PLA2G4A: variants seen among roughly 807,000 people sequenced by gnomAD.
PLA2G4A encodes the protein cytosolic phospholipase A2.
A neutral mutation model predicts 81.9 loss-of-function variants in PLA2G4A; 40 were observed. That is an observed-to-expected ratio of 0.49 (90% CI 0.38 to 0.64). The LOEUF is 0.64. Ranked by LOEUF, PLA2G4A falls within the 30% of genes least tolerant of loss-of-function variation. The pLI is 0.00. For synonymous variants in PLA2G4A, 302 were observed against 296.9 expected (o/e 1.02, Z -0.18); for missense variants, 715 against 905.1 (o/e 0.79, Z 2.69).
chr1:186,843,737 G>A (rs900331134), intron 1 of PLA2G4A, among the ~76,000 whole-genome samples: 1 of 152,184 alleles, frequency 6.6e-6, no homozygotes. Flanking sequence ...GAGGAGGATG[G>A]AGTATCTCCA....
At chr1:186,968,308 A>C (rs1657205123) in intron 15 of PLA2G4A, among the ~76,000 whole-genome samples, 1 of 151,944 alleles carries the variant, frequency 6.6e-6, no homozygotes, top group Non-Finnish European at 1.5e-5. Flanking sequence ...ATACTTGTAA[A>C]ATGTATGAAC....
At chr1:186,919,579 C>CCCTGAACATAGTAGGGGAGTT (rs1655270715) in intron 7 of PLA2G4A, among the ~76,000 whole-genome samples, 1 of 152,164 alleles carries the variant, frequency 6.6e-6, no homozygotes, top group African/African-American at 2.4e-5. Flanking sequence ...GCCACGGCCT[C>CCCTGAACATAGTAGGGGAGTT]CCTGAACATA....
At position 186,932,841 on chromosome 1, in the gene PLA2G4A, T is replaced by A. The variant is rs200264649; in HGVS notation, c.637T>A (p.Tyr213Asn). The A allele has an allele frequency of 1.9e-6, 3 of 1,613,114 alleles. No homozygotes were observed. Among genetic ancestry groups the A allele is most frequent in the Non-Finnish European group, 2.5e-6 (3 of 1,179,150 alleles). ...ATTCTCTGGTGTGATGAAGGCATTA[T>A]ACGAATCAGGAATTCTGGATTGTGC... The part of the protein sequence containing the change: ...VGFSGVMKAL[Y>N]ESGILDCATY... The change falls in exon 8 of 18, where the codon TAC becomes AAC. Residue 213 changes from tyrosine (Y) to asparagine (N), a missense_variant. By Grantham distance (143) the Tyr-to-Asn change is moderately radical. Transcript: ENST00000367466.
At chr1:186,858,920 T>C (rs1270685462) in intron 2 of PLA2G4A, among the ~76,000 whole-genome samples, 2 of 139,624 alleles carry the variant, frequency 1.4e-5, no homozygotes, top group Non-Finnish European at 3.0e-5. Context: ...GGTGTGTGCG[T>C]GTGTGTGTGT....
intron 14 of PLA2G4A, among the ~76,000 whole-genome samples, chr1:186,958,094 G>A (rs1009209828): frequency 6.6e-6 from 1 of 151,980 alleles, no homozygotes; most frequent in Non-Finnish European, 1.5e-5. Context: ...CCCCTTAAAA[G>A]GTATTACAGA....
Position 186,857,338 on chromosome 1 carries a change from T to C in PLA2G4A, c.33+2951T>C, listed in dbSNP as rs556359074. Among the ~76,000 whole-genome samples, 59 of 122,062 alleles carry C rather than the reference T, an allele frequency of 4.8e-4. No homozygotes were observed. The South Asian group carries it at 6.7e-3, about 14-fold the overall frequency. 80.1% of individuals were successfully genotyped at this position (122,062 alleles called of 152,430 possible). Reference sequence around the variant, plus strand: ...TATGTAATATAATATAAATATAATATTATATATATTATAAATATAATATTA... The same window carrying C: ...TATGTAATATAATATAAATATAATACTATATATATTATAAATATAATATTA... On this transcript the variant is annotated intron_variant, in intron 2 of 17. Transcript: ENST00000367466.
chr1:186,906,441 A>C (rs189113181), intron 5 of PLA2G4A, among the ~76,000 whole-genome samples: 1 of 152,336 alleles, frequency 6.6e-6, no homozygotes, highest in African/African-American at 2.4e-5. Flanking sequence ...AGTCAACTAC[A>C]GTTGGCTGGA....
At chr1:186,912,764 A>AT (rs1655000651) in intron 7 of PLA2G4A, among the ~76,000 whole-genome samples, 2 of 130,506 alleles carry the variant, frequency 1.5e-5, no homozygotes, top group African/African-American at 6.7e-5. Flanking sequence ...ATATATACAT[A>AT]AGTATATATA....
intron 7 of PLA2G4A, among the ~76,000 whole-genome samples, chr1:186,925,584 C>T (rs768073240): frequency 6.6e-6 from 1 of 152,100 alleles, no homozygotes; most frequent in Admixed American, 6.5e-5. Flanking sequence ...ATAGGCTTCC[C>T]CTATACAATC....
intron 10 of PLA2G4A, among the ~76,000 whole-genome samples, chr1:186,944,219 A>T (rs1656258363): frequency 6.6e-6 from 1 of 152,116 alleles, no homozygotes; most frequent in South Asian, 2.1e-4. Context: ...AAGGAAGTTG[A>T]AAGTACATGG....
chr1:186,981,246 T>C (rs1263456381), intron 17 of PLA2G4A, among the ~76,000 whole-genome samples: 2 of 152,220 alleles, frequency 1.3e-5, no homozygotes, highest in South Asian at 2.1e-4. Context: ...ATTGTAGGAA[T>C]ATACAAATAC....
intron 8 of PLA2G4A, among the ~76,000 whole-genome samples, chr1:186,936,049 C>G (rs1211013872): frequency 6.6e-6 from 1 of 151,900 alleles, no homozygotes; most frequent in Non-Finnish European, 1.5e-5. Flanking sequence ...TGTTCTTTTA[C>G]TCAGGATTAG....
At chr1:186,934,551 C>T (rs1045657773) in intron 8 of PLA2G4A, among the ~76,000 whole-genome samples, 14 of 149,688 alleles carry the variant, frequency 9.4e-5, no homozygotes, top group African/African-American at 2.9e-4. Flanking sequence ...TTTAAATGTG[C>T]ACACACACAC....
At chr1:186,862,764 G>A (rs1044856556) in intron 2 of PLA2G4A, among the ~76,000 whole-genome samples, 1 of 152,086 alleles carries the variant, frequency 6.6e-6, no homozygotes, top group Non-Finnish European at 1.5e-5. Flanking sequence ...TCCCCAAAGC[G>A]CCAAGGATGT....
At chr1:186,896,844 G>A (rs1263652748) in intron 5 of PLA2G4A, among the ~76,000 whole-genome samples, 2 of 152,142 alleles carry the variant, frequency 1.3e-5, no homozygotes, top group Non-Finnish European at 2.9e-5. Flanking sequence ...GAGCTGCAGG[G>A]GTAGTTGGGA....
chr1:186,861,894 G>A (rs1166659578), intron 2 of PLA2G4A, among the ~76,000 whole-genome samples: 2 of 151,822 alleles, frequency 1.3e-5, no homozygotes, highest in African/African-American at 4.8e-5. Context: ...ATTGAAGGCT[G>A]TGTGCTCAGA....
At chr1:186,846,432 A>T (rs1414066234) in intron 1 of PLA2G4A, among the ~76,000 whole-genome samples, 1 of 152,192 alleles carries the variant, frequency 6.6e-6, no homozygotes, top group Non-Finnish European at 1.5e-5. Flanking sequence ...TTACATTTTT[A>T]AAATAAACTT....
At chr1:186,987,959 A>G (rs1051711901) in intron 17 of PLA2G4A, among the ~76,000 whole-genome samples, 4 of 152,184 alleles carry the variant, frequency 2.6e-5, no homozygotes, top group Admixed American at 2.6e-4. Context: ...TCCACTAGGA[A>G]AAGCTTTTAC....
chr1:186,870,339 C>A, intron 2 of PLA2G4A, 96 bp from the exon 3 acceptor site: 1 of 767,232 alleles, frequency 1.3e-6, no homozygotes, highest in South Asian at 1.4e-5. Context: ...ATGCATGCTA[C>A]TTGTTTTTAA....
Sources: allele counts gnomAD v4.1 joint callset (sites outside exome capture counted in the v4.1 genomes callset), GRCh38; gene constraint gnomAD v4.1.1; transcripts MANE v1.5; gene names NCBI Gene and HGNC (gene_info 2026-07-23, HGNC 2026-07-21).